The following SLC25A30 variants were observed in gnomAD, a reference collection of about 807,000 sequenced individuals.
SLC25A30 encodes solute carrier family 25 member 30.
SLC25A30 carries 29 observed loss-of-function variants against 42.7 expected under a neutral mutation model. The ratio of observed to expected loss-of-function variants is 0.68; its 90% confidence interval spans 0.51 to 0.93. The LOEUF (loss-of-function observed/expected upper bound fraction) is 0.93, where lower values mean the gene tolerates loss of function less well. SLC25A30 is among the 40% of genes least tolerant of loss of function. SLC25A30 has a pLI of 0.00. For synonymous variants in SLC25A30, 124 were observed against 131.0 expected, an observed-to-expected ratio of 0.95 and a Z score of 0.37; for missense variants, 300 against 359.7, an observed-to-expected ratio of 0.83 and a Z score of 1.34.
intron 2 of SLC25A30, among the ~76,000 whole-genome samples, chr13:45,411,064 C>T (rs1259020365): frequency 2.0e-5 from 3 of 152,086 alleles, no homozygotes; most frequent in Non-Finnish European, 4.4e-5. Flanking sequence ...CTCTGCCTCC[C>T]GAGTAGCGGG....
rs1881149659 is a variant in SLC25A30 at position 45,394,213 on chromosome 13, A to G, written c.*1761T>C. On this transcript the variant is annotated 3_prime_UTR_variant, in exon 10 of 10. Coordinates refer to ENST00000519676, the MANE Select transcript of SLC25A30 (RefSeq NM_001010875.4). Reference sequence around the variant, plus strand: ...AGAGCTGGACTTTCATCTGAGTCTCAGCAATTAACAGGTAACCCTACCCCA... The same window carrying G: ...AGAGCTGGACTTTCATCTGAGTCTCGGCAATTAACAGGTAACCCTACCCCA... 17 of 985,314 alleles carry G rather than the reference A, an allele frequency of 1.7e-5. No individual in the cohort carries two copies. The highest frequency in any genetic ancestry group is 1.9e-5 in the Non-Finnish European group (16 of 829,910). 61.0% of individuals were successfully genotyped at this position (985,314 alleles called of 1,614,324 possible).
Position 45,396,949 on chromosome 13 carries a change from T to C in SLC25A30, c.834+309A>G, listed in dbSNP as rs75538540. On this transcript the variant is annotated intron_variant, in intron 9 of 9. Transcript: ENST00000519676. ...ACATCCTTCCCAAGGTGGCTAGGGC[T>C]ATAAAGCCAATCCTCCTCTCTCTCT... The C allele has an allele frequency of 1.4e-3, 429 of 300,596 alleles. 4 individuals carry two copies. Among genetic ancestry groups the C allele is most frequent in the South Asian group, 0.012 (282 of 23,680 alleles). 18.6% of individuals were successfully genotyped at this position (300,596 alleles called of 1,614,324 possible). A position where few individuals can be genotyped will look rare whatever the true frequency, so the allele number is the denominator to read the frequency against.
chr13:45,430,967 A>G, the SLC25A30 span, among the ~76,000 whole-genome samples: 1 of 152,152 alleles, frequency 6.6e-6, no homozygotes, highest in East Asian at 1.9e-4. Flanking sequence ...TTCCCTTCTC[A>G]AAGCATATAC....
chr13:45,395,462 C>G lies in SLC25A30; in HGVS notation c.*512G>C. 2 of 989,736 alleles carry G rather than the reference C, an allele frequency of 2.0e-6. No individual in the cohort carries two copies. Among genetic ancestry groups the G allele is most frequent in the Non-Finnish European group, 2.4e-6 (2 of 832,308 alleles). The allele number at this position is 989,736 out of a possible 1,614,324, so 61.3% of individuals were successfully genotyped here. A position where few individuals can be genotyped will look rare whatever the true frequency, so the allele number is the denominator to read the frequency against. On this transcript the variant is annotated 3_prime_UTR_variant, in exon 10 of 10. Coordinates refer to ENST00000519676, the MANE Select transcript of SLC25A30 (RefSeq NM_001010875.4). The stretch of plus-strand genomic sequence containing the variant: ...ATATTCCTAGGATCCATTTCCTGCA[C>G]CGTTTATACCTGGGGTTGAACAGTC...
At chr13:45,425,278 A>C in the SLC25A30 span, among the ~76,000 whole-genome samples, 14 of 104,270 alleles carry the variant, frequency 1.3e-4, no homozygotes, top group African/African-American at 5.3e-4. Context: ...GTATACATAT[A>C]AATATATGTA....
At chr13:45,419,217 A>C (rs2137713531), upstream of SLC25A30, among the ~76,000 whole-genome samples, 1 of 149,060 alleles carries the variant, frequency 6.7e-6, no homozygotes, top group South Asian at 2.1e-4. Context: ...ATCTTTACAT[A>C]TATATCTAAT....
At chr13:45,424,060 AAT>A in the SLC25A30 span, among the ~76,000 whole-genome samples, 19 of 104,446 alleles carry the variant, frequency 1.8e-4, no homozygotes, top group South Asian at 3.2e-4. Context: ...AATCTATAAA[AAT>A]ATATATATTT....
chr13:45,424,366 T>A, the SLC25A30 span, among the ~76,000 whole-genome samples: 1 of 67,886 alleles, frequency 1.5e-5, no homozygotes, highest in East Asian at 4.1e-4. Context: ...TACATGAAAA[T>A]ATATATAAAT....
chr13:45,412,664 C>T (rs1883137524), intron 1 of SLC25A30, among the ~76,000 whole-genome samples: 1 of 152,148 alleles, frequency 6.6e-6, no homozygotes. Context: ...AGCTGTAGGC[C>T]TATTGTGGGC....
chr13:45,419,899 T>C (rs375634204), upstream of SLC25A30, among the ~76,000 whole-genome samples: 2 of 151,118 alleles, frequency 1.3e-5, no homozygotes, highest in South Asian at 2.1e-4. Flanking sequence ...CGCTGCACTC[T>C]AGCTGCTGCA....
Position 45,397,280 on chromosome 13 carries a change from C to T in SLC25A30, c.812G>A (p.Arg271Lys), listed in dbSNP as rs1039299713. 1 of 1,612,018 alleles carries T rather than the reference C, an allele frequency of 6.2e-7. No individual in the cohort carries two copies. The change falls in exon 9 of 10, where the codon AGA (arginine) becomes AAA (lysine). Residue 271 changes from arginine to lysine, a missense_variant. Physicochemically the swap from Arg to Lys is conservative, Grantham distance 26. Coordinates refer to ENST00000519676, the MANE Select transcript of SLC25A30 (RefSeq NM_001010875.4). ...LYKGFWPNWL[R>K]LGPWNIIFFV... Reference sequence around the variant, plus strand: ...TACAATGATATTCCAAGGACCAAGTCTCAACCAATTTGGCCAAAAGCCTTT... The same window carrying T: ...TACAATGATATTCCAAGGACCAAGTTTCAACCAATTTGGCCAAAAGCCTTT...
At chr13:45,421,505 C>T (rs958505889), upstream of SLC25A30, among the ~76,000 whole-genome samples, 1 of 151,806 alleles carries the variant, frequency 6.6e-6, no homozygotes, top group Non-Finnish European at 1.5e-5. Flanking sequence ...CTTCAACTTT[C>T]CCCCTATTTG....
At chr13:45,402,552 T>G (rs1206373863) in intron 5 of SLC25A30, among the ~76,000 whole-genome samples, 182 bp from the exon 6 acceptor site, 1 of 152,190 alleles carries the variant, frequency 6.6e-6, no homozygotes, top group Admixed American at 6.5e-5. Context: ...TAAAAATTTA[T>G]TCTTAGGAAC....
chr13:45,416,749 G>A (rs1371468825), intron 1 of SLC25A30, among the ~76,000 whole-genome samples: 1 of 152,152 alleles, frequency 6.6e-6, no homozygotes, highest in Non-Finnish European at 1.5e-5. Context: ...CTAGCAGCCT[G>A]GGTGACAGAG....
Position 45,394,822 on chromosome 13 carries a change from A to G in SLC25A30, c.*1152T>C, listed in dbSNP as rs1881193759. On this transcript the variant is annotated 3_prime_UTR_variant, in exon 10 of 10. Coordinates refer to ENST00000519676, the MANE Select transcript of SLC25A30 (RefSeq NM_001010875.4). ...TAAAGAAATCATTTTTAAAATTTCA[A>G]GCAGGTATTTTCCATCCAAACTAAA... 1 of 985,448 alleles carries G rather than the reference A, an allele frequency of 1.0e-6. No individual in the cohort carries two copies. Among genetic ancestry groups the G allele is most frequent in the Non-Finnish European group, 1.2e-6 (1 of 829,900 alleles). 61.0% of individuals were successfully genotyped at this position (985,448 alleles called of 1,614,324 possible).
intron 1 of SLC25A30, among the ~76,000 whole-genome samples, chr13:45,414,633 CAT>C (rs1217748288): frequency 1.2e-4 from 14 of 116,982 alleles, no homozygotes; most frequent in Admixed American, 3.8e-4. Flanking sequence ...CACACACACA[CAT>C]ACACACACAC....
chr13:45,418,957 A>AC, upstream of SLC25A30, among the ~76,000 whole-genome samples: 4 of 74,074 alleles, frequency 5.4e-5, no homozygotes, highest in Non-Finnish European at 1.1e-4. Flanking sequence ...AAAAAAAAAA[A>AC]AAAAAAAAAA....
chr13:45,414,663 C>T (rs573396508), intron 1 of SLC25A30, among the ~76,000 whole-genome samples: 11 of 151,864 alleles, frequency 7.2e-5, no homozygotes, highest in Admixed American at 3.9e-4. Context: ...CACACACACA[C>T]ACACACACGA....
intron 5 of SLC25A30, chr13:45,402,942 G>T: frequency 2.9e-6 from 1 of 350,136 alleles, no homozygotes; most frequent in Non-Finnish European, 4.0e-6. Context: ...AACATAAAAA[G>T]AATGTTTGAT....
Sources: allele counts gnomAD v4.1 joint callset (sites outside exome capture counted in the v4.1 genomes callset), GRCh38; gene constraint gnomAD v4.1.1; transcripts MANE v1.5; gene names NCBI Gene and HGNC (gene_info 2026-07-23, HGNC 2026-07-21).